The following DOCK10 variants were observed in gnomAD, a reference collection of about 807,000 sequenced individuals.
DOCK10 encodes the protein dedicator of cytokinesis 10.
A neutral mutation model predicts 280.1 loss-of-function variants in DOCK10; 145 were observed. That is an observed-to-expected ratio of 0.52 (90% CI 0.45 to 0.59). The LOEUF is 0.59. DOCK10 is among the 20% of genes least tolerant of loss of function. The pLI, the probability that DOCK10 is intolerant of heterozygous loss-of-function variation, is 0.00. For missense variants in DOCK10, 2,368 were observed against 2,651.7 expected, an observed-to-expected ratio of 0.89 and a Z score of 2.35; for synonymous variants, 915 against 942.2, an observed-to-expected ratio of 0.97 and a Z score of 0.53.
intron 12 of DOCK10, 33 bp from the exon 13 acceptor site, chr2:224,864,708 A>T (rs1243226180): frequency 6.3e-7 from 1 of 1,593,504 alleles, no homozygotes; most frequent in Non-Finnish European, 8.5e-7. Flanking sequence ...ATAAGCATGG[A>T]AGAAACCACA....
chr2:224,834,916 A>G (rs890741057), intron 25 of DOCK10, among the ~76,000 whole-genome samples: 1 of 152,242 alleles, frequency 6.6e-6, no homozygotes, highest in African/African-American at 2.4e-5. Flanking sequence ...AAGTTCAAAT[A>G]TAAAATGCTT....
At chr2:224,861,705 G>C (rs762194168) in intron 14 of DOCK10, 1 of 152,184 alleles carries the variant, frequency 6.6e-6, no homozygotes, top group Non-Finnish European at 1.5e-5. Flanking sequence ...TTGAGATAAT[G>C]TCAGCAAAGT....
At chr2:224,986,832 C>A (rs1192224088) in intron 1 of DOCK10, among the ~76,000 whole-genome samples, 1 of 152,104 alleles carries the variant, frequency 6.6e-6, no homozygotes, top group Non-Finnish European at 1.5e-5. Flanking sequence ...AGCCCTAGTA[C>A]CCTAGCAGGC....
chr2:224,852,855 A>G, intron 17 of DOCK10, 80 bp downstream of exon 17: 1 of 1,245,046 alleles, frequency 8.0e-7, no homozygotes, highest in Non-Finnish European at 1.1e-6. Context: ...AGTAATTTGT[A>G]TTTGCACATT....
intron 7 of DOCK10, among the ~76,000 whole-genome samples, chr2:224,876,886 A>G (rs1278178447): frequency 6.6e-6 from 1 of 152,036 alleles, no homozygotes; most frequent in East Asian, 1.9e-4. Context: ...ATCTATTCCA[A>G]TGGCTTCAAA....
intron 31 of DOCK10, among the ~76,000 whole-genome samples, chr2:224,813,470 A>G (rs1404549793): frequency 6.6e-6 from 1 of 152,150 alleles, no homozygotes; most frequent in African/African-American, 2.4e-5. Flanking sequence ...TGTTGAGATT[A>G]CAGGCATGAT....
intron 1 of DOCK10, among the ~76,000 whole-genome samples, chr2:224,974,819 A>AT (rs1553626514): frequency 1.5e-5 from 2 of 132,348 alleles, no homozygotes; most frequent in Non-Finnish European, 3.3e-5. Context: ...TTATATATAT[A>AT]ATATATATAT....
At chr2:224,790,757 C>T (rs1692125434) in intron 47 of DOCK10, among the ~76,000 whole-genome samples, 2 of 126,974 alleles carry the variant, frequency 1.6e-5, no homozygotes, top group Non-Finnish European at 3.3e-5. Context: ...TTTCTGGGGT[C>T]GCCTATCTTC....
At chr2:224,944,203 A>G (rs1454782479) in intron 1 of DOCK10, among the ~76,000 whole-genome samples, 1 of 152,246 alleles carries the variant, frequency 6.6e-6, no homozygotes, top group East Asian at 1.9e-4. Flanking sequence ...ACACATAGAA[A>G]GATCTGGGAC....
chr2:224,793,547 A>G, intron 45 of DOCK10, 90 bp from the exon 46 acceptor site: 1 of 957,848 alleles, frequency 1.0e-6, no homozygotes, highest in Non-Finnish European at 1.6e-6. Flanking sequence ...ATTCCATATC[A>G]GAATATGTTA....
At chr2:224,961,473 TTTC>T (rs1704440561) in intron 1 of DOCK10, among the ~76,000 whole-genome samples, 1 of 144,874 alleles carries the variant, frequency 6.9e-6, no homozygotes, top group Non-Finnish European at 1.5e-5. Flanking sequence ...TTTCTTTTTC[TTTC>T]TTTCTTTCTC....
chr2:224,825,350 C>T (rs1006139906), intron 27 of DOCK10, among the ~76,000 whole-genome samples: 5 of 152,066 alleles, frequency 3.3e-5, no homozygotes, highest in African/African-American at 1.2e-4. Flanking sequence ...TTCATGGTTA[C>T]TCTCTATATA....
chr2:224,794,164 C>T (rs1692395409), intron 45 of DOCK10, among the ~76,000 whole-genome samples: 1 of 152,202 alleles, frequency 6.6e-6, no homozygotes, highest in Admixed American at 6.5e-5. Flanking sequence ...CCAAGCCAGC[C>T]TTCTGGTTTC....
intron 1 of DOCK10, among the ~76,000 whole-genome samples, chr2:224,998,420 T>G (rs1706333480): frequency 6.6e-6 from 1 of 152,274 alleles, no homozygotes; most frequent in East Asian, 1.9e-4. Flanking sequence ...TTTAAATATT[T>G]GCTTACATCC....
intron 1 of DOCK10, among the ~76,000 whole-genome samples, chr2:224,931,951 C>A (rs945648754): frequency 5.9e-5 from 9 of 152,196 alleles, no homozygotes; most frequent in African/African-American, 2.2e-4. Context: ...ATCACATCCA[C>A]AGAATAGATG....
chr2:224,845,338 T>A lies in DOCK10; in HGVS notation c.2360-14A>T. 6.3e-7 allele frequency: 1 copy of A among 1,584,094 alleles called. No individual in the cohort carries two copies. Among genetic ancestry groups the A allele is most frequent in the Non-Finnish European group, 8.6e-7 (1 of 1,164,500 alleles). ...AAGCATATCCAACTGTGCAAAAGAA[T>A]AACCAACAAAAATTCTGAGTACAAA... On this transcript the variant is annotated splice_polypyrimidine_tract_variant and intron_variant, in intron 20 of 55. Transcript: ENST00000258390.
Position 224,822,317 on chromosome 2 carries a change from T to C in DOCK10, c.3183+1184A>G, listed in dbSNP as rs1486533956. On this transcript the variant is annotated intron_variant, in intron 28 of 55. Coordinates refer to ENST00000258390, the MANE Select transcript of DOCK10 (RefSeq NM_014689.3). Reference sequence around the variant, plus strand: ...GCATTTCTTTCCTCTCAGCTCAATATAAATGGTTGTAACCCAATGAAATAT... The same window carrying C: ...GCATTTCTTTCCTCTCAGCTCAATACAAATGGTTGTAACCCAATGAAATAT... Among the ~76,000 whole-genome samples, 4 of 152,336 alleles carry C rather than the reference T, an allele frequency of 2.6e-5. No homozygotes were observed. The East Asian group carries it at 7.7e-4, about 29-fold the overall frequency.
intron 1 of DOCK10, among the ~76,000 whole-genome samples, chr2:225,023,223 A>G (rs1364982822): frequency 1.3e-5 from 2 of 151,974 alleles, no homozygotes; most frequent in Non-Finnish European, 2.9e-5. Context: ...TTTAGTGGAG[A>G]CGGGGTTTCT....
At chr2:224,794,790 C>T in intron 45 of DOCK10, 89 bp downstream of exon 45, 3 of 1,277,126 alleles carry the variant, frequency 2.3e-6, no homozygotes, top group Non-Finnish European at 3.4e-6. Context: ...ACATGGCATC[C>T]TTTTCTAGTC....
Sources: gnomAD v4.1 joint callset for allele counts (sites outside exome capture counted in the v4.1 genomes callset) on GRCh38, gnomAD v4.1.1 for gene constraint, MANE v1.5 for transcripts, NCBI Gene and HGNC (gene_info 2026-07-23, HGNC 2026-07-21) for gene names.